The following CCND2 variants were observed in gnomAD, a reference collection of about 807,000 sequenced individuals.
CCND2 encodes G1/S-specific cyclin-D2.
Under a neutral mutation model 30.2 loss-of-function variants are expected in CCND2, and 6 were observed. The ratio of observed to expected loss-of-function variants is 0.20; its 90% CI spans 0.11 to 0.39. The LOEUF is 0.39. Ranked by LOEUF, CCND2 falls within the 10% of genes least tolerant of loss-of-function variation. The probability of loss-of-function intolerance (pLI) is 1.00; values close to 1 mark genes in which losing one functional copy is unlikely to be tolerated. For synonymous variants in CCND2, 150 were observed against 153.1 expected, an observed-to-expected ratio of 0.98 and a Z score of 0.15; for missense variants, 235 against 373.4, an observed-to-expected ratio of 0.63 and a Z score of 3.06.
rs1420078504 is a variant in CCND2, at chr12:4,274,812, C to G, written c.195+577C>G. Among the ~76,000 whole-genome samples, 1 of 152,236 alleles carries G rather than the reference C, an allele frequency of 6.6e-6. No individual in the cohort carries two copies. The highest frequency in any genetic ancestry group is 1.5e-5 in the Non-Finnish European group (1 of 68,042). On this transcript the variant is annotated intron_variant, in intron 1 of 4. Coordinates refer to ENST00000261254, the MANE Select transcript of CCND2 (RefSeq NM_001759.4). This position sits in a 1 kb window ranked among gnomAD's most constrained non-coding sequence, Gnocchi z 7.7. ...TCAGGGGAACCCAAAAGAACCGCTT[C>G]TTGCCCCTCACTCCAAGTCTTTGCC... is the stretch of plus-strand genomic sequence containing the variant.
At chr12:4,277,571 G>A (rs553568431) in intron 2 of CCND2, among the ~76,000 whole-genome samples, 1 of 152,304 alleles carries the variant, frequency 6.6e-6, no homozygotes, top group African/African-American at 2.4e-5. Flanking sequence ...ATCTTTCCAG[G>A]ACTAGCCAAG....
rs1169027505 is a variant in CCND2, at chr12:4,299,772, T to C, written c.721-88T>C. On this transcript the variant is annotated intron_variant, in intron 4 of 4. Coordinates refer to ENST00000261254, the MANE Select transcript of CCND2 (RefSeq NM_001759.4). This position sits in a 1 kb window ranked among gnomAD's most constrained non-coding sequence, Gnocchi z 5.2. ...TCTACTGGAAACTAGCACAGACTTA[T>C]GCAAGCTAAATTACGCATGTTTTCT... The C allele has an allele frequency of 1.2e-5, 16 of 1,300,076 alleles. No homozygotes were observed. The African/African-American group carries it at 1.8e-4, about 14-fold the overall frequency. The allele number at this position is 1,300,076 out of a possible 1,614,324, so 80.5% of individuals were successfully genotyped here. A position where few individuals can be genotyped will look rare whatever the true frequency, so the allele number is the denominator to read the frequency against.
Position 4,285,574 on chromosome 12 carries a change from G to A in CCND2, c.572-3268G>A, listed in dbSNP as rs926389532. 4 of 279,398 alleles carry A rather than the reference G, an allele frequency of 1.4e-5. No homozygotes were observed. The highest frequency in any genetic ancestry group is 2.2e-5 in the Non-Finnish European group (4 of 184,648). The allele number at this position is 279,398 out of a possible 1,614,324, so 17.3% of individuals were successfully genotyped here. ...GCATATATGTATGTATTTACCCATGGTTGTAATCTTCATCGTCGCATGCAT... is the reference window on the plus strand; with the variant it reads ...GCATATATGTATGTATTTACCCATGATTGTAATCTTCATCGTCGCATGCAT... On this transcript the variant is annotated intron_variant, in intron 3 of 4. Transcript: ENST00000261254. This position sits in a 1 kb window ranked among gnomAD's most constrained non-coding sequence, Gnocchi z 4.1.
rs1412852338 is a variant in CCND2, at chr12:4,282,092, G to A, written c.571+3173G>A. Among the ~76,000 whole-genome samples, 1 of 152,204 alleles carries A rather than the reference G, an allele frequency of 6.6e-6. No homozygotes were observed. Among genetic ancestry groups the A allele is most frequent in the Non-Finnish European group, 1.5e-5 (1 of 68,036 alleles). ...ATAGAACACCCAGGTCTGCAAGCGA[G>A]GAAAGAAGGCCATTGGAGATGACCT... On this transcript the variant is annotated intron_variant, in intron 3 of 4. Coordinates refer to ENST00000261254, the MANE Select transcript of CCND2 (RefSeq NM_001759.4). The surrounding 1 kb of genome is among the most constrained non-coding windows in gnomAD (Gnocchi z 4.3).
intron 2 of CCND2, among the ~76,000 whole-genome samples, chr12:4,277,206 AG>A (rs1863886806): frequency 1.3e-5 from 2 of 152,298 alleles, no homozygotes; most frequent in East Asian, 3.9e-4. Flanking sequence ...AACCGCTGCC[AG>A]GTTTTAGCTG....
In CCND2 at chr12:4,302,364, A is replaced by G. The variant is rs957126411; in HGVS notation, c.*2355A>G. ...CCAGGTGTCAGGAAACAGACTAAAA[A>G]GAATTCCACCAGGCTGTTTGGAGAT... On this transcript the variant is annotated 3_prime_UTR_variant, in exon 5 of 5. Transcript: ENST00000261254. The G allele has an allele frequency of 8.6e-6, 2 of 233,072 alleles. No homozygotes were observed. Among genetic ancestry groups the G allele is most frequent in the South Asian group, 1.8e-4 (1 of 5,534 alleles). 14.4% of individuals were successfully genotyped at this position (233,072 alleles called of 1,614,324 possible). A position where few individuals can be genotyped will look rare whatever the true frequency, so the allele number is the denominator to read the frequency against.
Position 4,282,489 on chromosome 12 carries a change from T to A in CCND2, c.571+3570T>A, listed in dbSNP as rs1863962529. ...ACAGTGGTGGCCCAGAGAAGTTCGATGACTTGGCCCTTGATCTAGAGTGGG... is the reference window on the plus strand; with the variant it reads ...ACAGTGGTGGCCCAGAGAAGTTCGAAGACTTGGCCCTTGATCTAGAGTGGG... On this transcript the variant is annotated intron_variant, in intron 3 of 4. Transcript: ENST00000261254. The surrounding 1 kb of genome is among the most constrained non-coding windows in gnomAD (Gnocchi z 4.3). 6.6e-6 allele frequency among the ~76,000 whole-genome samples: 1 copy of A among 152,208 alleles called. No individual in the cohort carries two copies. Among genetic ancestry groups the A allele is most frequent in the Non-Finnish European group, 1.5e-5 (1 of 68,034 alleles).
intron 4 of CCND2, among the ~76,000 whole-genome samples, chr12:4,295,333 G>A (rs1037211226): frequency 6.6e-6 from 1 of 152,234 alleles, no homozygotes; most frequent in African/African-American, 2.4e-5. Flanking sequence ...CTGAAGGAAG[G>A]TTAGGTGGAG....
chr12:4,297,784 A>G (rs1040433501), intron 4 of CCND2: 2 of 440,406 alleles, frequency 4.5e-6, no homozygotes, highest in South Asian at 1.6e-5. Flanking sequence ...GGTAAGGGTA[A>G]GGGATGTAAC....
Position 4,274,296 on chromosome 12 carries a change from C to T in CCND2, c.195+61C>T. 1 of 1,567,782 alleles carries T rather than the reference C, an allele frequency of 6.4e-7. No homozygotes were observed. Among genetic ancestry groups the T allele is most frequent in the Non-Finnish European group, 8.7e-7 (1 of 1,146,104 alleles). On this transcript the variant is annotated intron_variant, in intron 1 of 4. Coordinates refer to ENST00000261254, the MANE Select transcript of CCND2 (RefSeq NM_001759.4). This position sits in a 1 kb window ranked among gnomAD's most constrained non-coding sequence, Gnocchi z 7.7. ...CCCCTCCGGATGCTCGGGTCCCCGG[C>T]CGGAGCCCTAAACCTGGGAGAGGGC...
At position 4,300,045 on chromosome 12, in the gene CCND2, A is replaced by C. The variant is rs369380641; in HGVS notation, c.*36A>C. On this transcript the variant is annotated 3_prime_UTR_variant, in exon 5 of 5. Transcript: ENST00000261254. ...TGGGCCGAAAGAGAGAGACGCGTCC[A>C]TAATCTGGTCTCTTCTTCTTTCTGG... The C allele has an allele frequency of 6.2e-4, 982 of 1,592,472 alleles. 13 individuals carry two copies. The South Asian group carries it at 0.011, about 17-fold the overall frequency.
At position 4,303,005 on chromosome 12, in the gene CCND2, A is replaced by G. The variant is rs1307997299; in HGVS notation, c.*2996A>G. 8.6e-6 allele frequency: 2 copies of G among 233,206 alleles called. No individual in the cohort carries two copies. Among genetic ancestry groups the G allele is most frequent in the Non-Finnish European group, 1.7e-5 (2 of 118,072 alleles). 14.4% of individuals were successfully genotyped at this position (233,206 alleles called of 1,614,324 possible). A position where few individuals can be genotyped will look rare whatever the true frequency, so the allele number is the denominator to read the frequency against. The stretch of plus-strand genomic sequence containing the variant: ...GGAATGGGGAAAGCGGGAACCCTGG[A>G]GTTCTTGGGAATCTTGGAGCCTAAA... On this transcript the variant is annotated 3_prime_UTR_variant, in exon 5 of 5. Transcript: ENST00000261254. This position sits in a 1 kb window ranked among gnomAD's most constrained non-coding sequence, Gnocchi z 4.6.
At chr12:4,294,047 G>A (rs1314128781) in intron 4 of CCND2, among the ~76,000 whole-genome samples, 1 of 152,200 alleles carries the variant, frequency 6.6e-6, no homozygotes, top group Non-Finnish European at 1.5e-5. Flanking sequence ...CGGGTCTGGG[G>A]CTCATTCAGC....
rs3217931 is a variant in CCND2 at position 4,303,178 on chromosome 12, C to T, written c.*3169C>T. 7,008 of 233,336 alleles carry T rather than the reference C, an allele frequency of 0.03. 431 individuals are homozygous for T. Among genetic ancestry groups the T allele is most frequent in the African/African-American group, 0.14 (6,416 of 45,402 alleles). 14.5% of individuals were successfully genotyped at this position (233,336 alleles called of 1,614,324 possible). On this transcript the variant is annotated 3_prime_UTR_variant, in exon 5 of 5. Coordinates refer to ENST00000261254, the MANE Select transcript of CCND2 (RefSeq NM_001759.4). This position sits in a 1 kb window ranked among gnomAD's most constrained non-coding sequence, Gnocchi z 4.6. ...TAACTTTCCACTCTTCCTGTAGTCCCGAGGCCCCTGGGTCCTTCTAGCTTT... is the reference window on the plus strand; with the variant it reads ...TAACTTTCCACTCTTCCTGTAGTCCTGAGGCCCCTGGGTCCTTCTAGCTTT...
chr12:4,275,052 G>A (rs1029895729), intron 1 of CCND2: 5 of 151,696 alleles, frequency 3.3e-5, no homozygotes, highest in African/African-American at 1.2e-4. Context: ...TCGGTGCGGA[G>A]ATTTGGGTGG....
At chr12:4,294,187 G>C (rs1156407972) in intron 4 of CCND2, among the ~76,000 whole-genome samples, 1 of 151,754 alleles carries the variant, frequency 6.6e-6, no homozygotes, top group African/African-American at 2.4e-5. Context: ...CGCGGAGCTC[G>C]AGCCAGCAAG....
intron 2 of CCND2, among the ~76,000 whole-genome samples, chr12:4,278,500 G>A (rs1024192439): frequency 1.3e-5 from 2 of 152,206 alleles, no homozygotes; most frequent in African/African-American, 4.8e-5. Flanking sequence ...TGGAAACGAA[G>A]TAGAAGAAAA....
At chr12:4,275,860 T>A in intron 1 of CCND2, 145 bp from the exon 2 acceptor site, 1 of 573,548 alleles carries the variant, frequency 1.7e-6, no homozygotes, top group Non-Finnish European at 3.1e-6. Context: ...TTTATTCTTA[T>A]CACGCATTCT....
At chr12:4,279,460 C>T (rs1239972285) in intron 3 of CCND2, among the ~76,000 whole-genome samples, 2 of 151,676 alleles carry the variant, frequency 1.3e-5, no homozygotes, top group South Asian at 2.1e-4. Flanking sequence ...TAGCTGTTTG[C>T]CCCACTGGGC....
Sources: allele counts gnomAD v4.1 joint callset (sites outside exome capture counted in the v4.1 genomes callset), GRCh38; gene constraint gnomAD v4.1.1; non-coding constraint Gnocchi (gnomAD v3.1); transcripts MANE v1.5; gene names NCBI Gene and HGNC (gene_info 2026-07-23, HGNC 2026-07-21).